Variants in DAB1 observed in about 807,000 individuals in gnomAD.
DAB1 encodes the protein disabled homolog 1.
DAB1 carries 15 observed loss-of-function variants against 64.6 expected under a neutral mutation model. That is an observed-to-expected ratio of 0.23 (90% CI 0.16 to 0.36). The LOEUF (loss-of-function observed/expected upper bound fraction) is 0.36. Ranked by LOEUF, DAB1 falls within the 10% of genes least tolerant of loss-of-function variation. The probability of loss-of-function intolerance (pLI) is 1.00; values close to 1 mark genes in which losing one functional copy is unlikely to be tolerated. For missense variants in DAB1, 596 were observed against 706.7 expected (o/e 0.84, Z 1.78); for synonymous variants, 235 against 251.9 (o/e 0.93, Z 0.64).
chr1:58,068,355 A>C (rs553845496), intron 5 of DAB1, among the ~76,000 whole-genome samples: 1 of 152,314 alleles, frequency 6.6e-6, no homozygotes, highest in East Asian at 1.9e-4. Context: ...ACCTATATAT[A>C]GCGGGGAAAA....
chr1:58,404,874 T>G (rs1644602218), intron 3 of DAB1, among the ~76,000 whole-genome samples: 1 of 152,184 alleles, frequency 6.6e-6, no homozygotes, highest in Non-Finnish European at 1.5e-5. Flanking sequence ...CCTTCTTCCC[T>G]GTCTCTCCTT....
At chr1:57,933,041 G>A (rs1238055493) in intron 5 of DAB1, among the ~76,000 whole-genome samples, 1 of 152,086 alleles carries the variant, frequency 6.6e-6, no homozygotes, top group Admixed American at 6.5e-5. Context: ...AAAGCACTAG[G>A]AGGTTTTTCT....
At chr1:57,002,900 A>C (rs1272515646) in intron 14 of DAB1, among the ~76,000 whole-genome samples, 1 of 152,186 alleles carries the variant, frequency 6.6e-6, no homozygotes, top group Non-Finnish European at 1.5e-5. Context: ...TGTGAAGGAG[A>C]AAACATGTTG....
intron 4 of DAB1, among the ~76,000 whole-genome samples, chr1:58,230,757 G>A (rs1659740159): frequency 6.6e-6 from 1 of 152,194 alleles, no homozygotes; most frequent in Admixed American, 6.5e-5. Flanking sequence ...ATTAATCCTA[G>A]GTTGTGCTAA....
intron 7 of DAB1, among the ~76,000 whole-genome samples, chr1:57,630,966 G>A (rs995168846): frequency 2.0e-5 from 3 of 152,116 alleles, no homozygotes; most frequent in African/African-American, 7.2e-5. Context: ...CCTGTTGAAA[G>A]AATAATTATT....
intron 3 of DAB1, among the ~76,000 whole-genome samples, chr1:58,368,100 C>T (rs1644232598): frequency 6.6e-6 from 1 of 152,168 alleles, no homozygotes; most frequent in Non-Finnish European, 1.5e-5. Context: ...AAAATGTTTG[C>T]TTTCTGGATA....
intron 2 of DAB1, among the ~76,000 whole-genome samples, chr1:57,172,536 T>C (rs1661881578): frequency 6.6e-6 from 1 of 152,210 alleles, no homozygotes; most frequent in Non-Finnish European, 1.5e-5. Flanking sequence ...GGCTCATGGT[T>C]CTGCAGGCTG....
chr1:57,193,608 G>A (rs1406891248), intron 2 of DAB1, among the ~76,000 whole-genome samples: 2 of 152,132 alleles, frequency 1.3e-5, no homozygotes, highest in African/African-American at 2.4e-5. Context: ...GGATGGTCTC[G>A]ATCTCCTGAC....
At chr1:58,174,472 C>G (rs926932882) in intron 4 of DAB1, among the ~76,000 whole-genome samples, 4 of 152,190 alleles carry the variant, frequency 2.6e-5, no homozygotes, top group African/African-American at 9.6e-5. Context: ...CTCTGACTGA[C>G]CTAAAGAGTT....
intron 5 of DAB1, among the ~76,000 whole-genome samples, chr1:58,121,063 C>T (rs746349601): frequency 2.3e-4 from 35 of 152,100 alleles, no homozygotes; most frequent in Admixed American, 1.8e-3. Context: ...TTTTTTTCCA[C>T]GTTTATCTGG....
intron 1 of DAB1, among the ~76,000 whole-genome samples, chr1:57,861,750 T>C (rs1365918380): frequency 6.7e-6 from 1 of 149,034 alleles, no homozygotes; most frequent in African/African-American, 2.4e-5. Context: ...ACTAGTATTA[T>C]ATATAACATA....
intron 1 of DAB1, among the ~76,000 whole-genome samples, chr1:57,406,296 C>T (rs1683635724): frequency 6.6e-6 from 1 of 152,206 alleles, no homozygotes; most frequent in Non-Finnish European, 1.5e-5. Context: ...TACTAACCCT[C>T]CCTTACTCTT....
chr1:57,124,125 G>A (rs1323989524), intron 4 of DAB1, among the ~76,000 whole-genome samples: 1 of 152,036 alleles, frequency 6.6e-6, no homozygotes, highest in Non-Finnish European at 1.5e-5. Context: ...ATTAATGTGA[G>A]GATCAGTGGT....
chr1:57,011,939 A>G (rs1646279949), intron 12 of DAB1, among the ~76,000 whole-genome samples: 1 of 152,238 alleles, frequency 6.6e-6, no homozygotes, highest in African/African-American at 2.4e-5. Context: ...TGATCTGGGA[A>G]AATGGATGTA....
intron 1 of DAB1, among the ~76,000 whole-genome samples, chr1:57,848,068 G>A (rs1375449083): frequency 1.3e-5 from 2 of 152,178 alleles, no homozygotes; most frequent in African/African-American, 4.8e-5. Context: ...TGAAACTAAG[G>A]CAGGGATCCC....
At chr1:57,541,917 G>A (rs1644807200) in intron 7 of DAB1, among the ~76,000 whole-genome samples, 1 of 152,156 alleles carries the variant, frequency 6.6e-6, no homozygotes, top group Non-Finnish European at 1.5e-5. Context: ...GGGCAGAAAT[G>A]GTTTTAAACC....
At chr1:57,672,242 G>A (rs1161479849) in intron 6 of DAB1, among the ~76,000 whole-genome samples, 1 of 152,130 alleles carries the variant, frequency 6.6e-6, no homozygotes. Context: ...ATACACAAAT[G>A]AAATCTGTAG....
intron 7 of DAB1, among the ~76,000 whole-genome samples, chr1:57,477,195 T>G (rs1054186676): frequency 6.6e-6 from 1 of 152,136 alleles, no homozygotes; most frequent in Non-Finnish European, 1.5e-5. Context: ...AACGGTTGAG[T>G]GCTGTGAGGT....
chr1:57,652,613 A>G (rs1646269933), intron 6 of DAB1, among the ~76,000 whole-genome samples: 1 of 152,108 alleles, frequency 6.6e-6, no homozygotes, highest in Admixed American at 6.5e-5. Flanking sequence ...ATTTCTGTAA[A>G]ATTGGAAGAA....
Sources: gnomAD v4.1 joint callset for allele counts (sites outside exome capture counted in the v4.1 genomes callset) on GRCh38, gnomAD v4.1.1 for gene constraint, MANE v1.5 for transcripts, NCBI Gene and HGNC (gene_info 2026-07-23, HGNC 2026-07-21) for gene names.